Variants in CARS2 observed in about 807,000 individuals in gnomAD.
CARS2 encodes the protein cysteinyl-tRNA synthetase 2, mitochondrial, also known as probable cysteine--tRNA ligase, mitochondrial.
CARS2 carries 52 observed loss-of-function variants against 68.8 expected under a neutral mutation model. The ratio of observed to expected loss-of-function variants is 0.76; its 90% confidence interval spans 0.61 to 0.95. CARS2 has a LOEUF of 0.95. Among genes scored for constraint, CARS2 ranks in the 40% least tolerant of loss-of-function variants. CARS2 has a pLI of 0.00. For synonymous variants in CARS2, 314 were observed against 303.6 expected (o/e 1.03, Z -0.36); for missense variants, 780 against 754.2 (o/e 1.03, Z -0.40).
chr13:110,641,662 A>AG (rs2139663928), intron 14 of CARS2, 54 bp from the exon 15 acceptor site: 2 of 1,427,090 alleles, frequency 1.4e-6, no homozygotes, highest in African/African-American at 2.8e-5. Flanking sequence ...CATGTGGCAC[A>AG]GGGGGCTGAC....
chr13:110,652,176 C>A (rs1257350922), intron 9 of CARS2, among the ~76,000 whole-genome samples: 1 of 152,258 alleles, frequency 6.6e-6, no homozygotes, highest in African/African-American at 2.4e-5. Flanking sequence ...AACCCGATAC[C>A]CTCTTCTCTA....
Position 110,713,037 on chromosome 13 carries a change from G to C in CARS2, n.399+100C>G, listed in dbSNP as rs538970846. 97 of 1,479,088 alleles carry C rather than the reference G, an allele frequency of 6.6e-5. No homozygotes were observed. The South Asian group carries it at 7.2e-4, about 11-fold the overall frequency. 91.6% of individuals were successfully genotyped at this position (1,479,088 alleles called of 1,614,324 possible). ...AAGGACACCGAGAGGGTGCCAGTGC[G>C]CATGCGCCGCCACTTCCGCCCGTGC... On this transcript the variant is annotated intron_variant and non_coding_transcript_variant, in intron 1 of 2. Transcript: ENST00000485188.
chr13:110,664,049 A>C (rs1037199840), intron 8 of CARS2: 1 of 985,214 alleles, frequency 1.0e-6, no homozygotes, highest in Admixed American at 6.2e-5. Flanking sequence ...TTCATCCCCT[A>C]TGTATGTGAA....
intron 5 of CARS2, among the ~76,000 whole-genome samples, chr13:110,684,368 T>C (rs111977125): frequency 5.0e-4 from 76 of 152,082 alleles, no homozygotes; most frequent in African/African-American, 1.5e-3. Context: ...CAAGGAAACT[T>C]TGCAACTGGC....
At position 110,705,996 on chromosome 13, in the gene CARS2, G is replaced by C. The variant is rs1566366752; in HGVS notation, c.98C>G (p.Ala33Gly). The change falls in exon 1 of 15, where the codon GCG becomes GGG. Residue 33 changes from alanine (A) to glycine (G), a missense_variant. By Grantham distance (60) the Ala-to-Gly change is moderately conservative. Coordinates refer to ENST00000257347, the MANE Select transcript of CARS2 (RefSeq NM_024537.4). This position sits in a 1 kb window ranked among gnomAD's most constrained non-coding sequence, Gnocchi z 4.0. ...RAGWHWPAGR[A>G]ASGGRGRAWL... is the part of the protein sequence containing the mutation. ...GGCCCGCCCGCGCCCCCCGCTCGCCGCCCGGCCCGCAGGCCAGTGCCACCC... is the reference window on the plus strand; with the variant it reads ...GGCCCGCCCGCGCCCCCCGCTCGCCCCCCGGCCCGCAGGCCAGTGCCACCC... 2 of 1,498,516 alleles carry C rather than the reference G, an allele frequency of 1.3e-6. No individual in the cohort carries two copies. Among genetic ancestry groups the C allele is most frequent in the Non-Finnish European group, 1.8e-6 (2 of 1,128,658 alleles). The allele number at this position is 1,498,516 out of a possible 1,614,324, so 92.8% of individuals were successfully genotyped here. A position where few individuals can be genotyped will look rare whatever the true frequency, so the allele number is the denominator to read the frequency against.
At position 110,674,253 on chromosome 13, in the gene CARS2, T is replaced by C. The variant is rs1001819273; in HGVS notation, c.785+2721A>G. ...TTAAAGTTCAAAAAAGAGCCTGCAC[T>C]GCCAAGACAATCCTAAGCCAAAAGA... On this transcript the variant is annotated intron_variant, in intron 7 of 14. Transcript: ENST00000257347. Among the ~76,000 whole-genome samples, 4 of 152,012 alleles carry C rather than the reference T, an allele frequency of 2.6e-5. No homozygotes were observed. In the East Asian group the frequency reaches 7.7e-4, roughly 29 times the overall value.
At chr13:110,642,799 C>T (rs751131485) in intron 13 of CARS2, 2 of 689,804 alleles carry the variant, frequency 2.9e-6, no homozygotes, top group Admixed American at 2.0e-5. Context: ...CTGCATGCCG[C>T]CCCGCCCTGA....
chr13:110,656,500 A>T (rs1362544961), intron 9 of CARS2, among the ~76,000 whole-genome samples: 1 of 152,228 alleles, frequency 6.6e-6, no homozygotes, highest in Non-Finnish European at 1.5e-5. Context: ...TCACAGAAAC[A>T]GAAAGTAGAT....
intron 13 of CARS2, chr13:110,644,012 G>T (rs1196357032): frequency 3.3e-6 from 3 of 897,258 alleles, no homozygotes; most frequent in African/African-American, 1.7e-5. Flanking sequence ...CAGGCAAGGG[G>T]GCTCAGGTCG....
chr13:110,647,330 C>A, intron 10 of CARS2, 91 bp from the exon 11 acceptor site: 1 of 1,475,536 alleles, frequency 6.8e-7, no homozygotes, highest in Non-Finnish European at 9.2e-7. Context: ...GAGGGCACTG[C>A]CACCCAGGGA....
intron 7 of CARS2, among the ~76,000 whole-genome samples, chr13:110,669,410 C>T (rs4771705): frequency 0.55 from 83,238 of 151,942 alleles, 23,628 homozygotes; most frequent in Non-Finnish European, 0.64. Context: ...CCACAGGTTT[C>T]GAGGTGACTG....
chr13:110,710,592 T>TTCAACGTA (rs1858611321), upstream of CARS2, among the ~76,000 whole-genome samples: 1 of 152,252 alleles, frequency 6.6e-6, no homozygotes, highest in South Asian at 2.1e-4. Flanking sequence ...GACAAGATTC[T>TTCAACGTA]TCAACGTATC....
intron 5 of CARS2, among the ~76,000 whole-genome samples, chr13:110,684,426 TC>T (rs2063238664): frequency 6.6e-6 from 1 of 151,634 alleles, no homozygotes; most frequent in Non-Finnish European, 1.5e-5. Flanking sequence ...AGCCTGGATG[TC>T]CCCCTCCTGT....
In CARS2 at chr13:110,670,551, T is replaced by C. The variant is rs1200931412; in HGVS notation, c.786-3078A>G. Among the ~76,000 whole-genome samples the C allele has an allele frequency of 1.3e-5, 2 of 152,200 alleles. No homozygotes were observed. The highest frequency in any genetic ancestry group is 2.9e-5 in the Non-Finnish European group (2 of 68,042). On this transcript the variant is annotated intron_variant, in intron 7 of 14. Transcript: ENST00000257347. This position sits in a 1 kb window ranked among gnomAD's most constrained non-coding sequence, Gnocchi z 4.1. The stretch of plus-strand genomic sequence containing the variant: ...AGGACATCCACACCAAAACCCCATC[T>C]GTATGTCACCACCATCAAAGACCAA...
chr13:110,686,704 G>A (rs370387309), intron 5 of CARS2, among the ~76,000 whole-genome samples: 2 of 151,092 alleles, frequency 1.3e-5, no homozygotes, highest in African/African-American at 2.4e-5. Flanking sequence ...CCACAGGCGC[G>A]CGATACCAGG....
chr13:110,644,586 G>A lies in CARS2; in HGVS notation c.1318-103C>T. 5.9e-6 allele frequency: 9 copies of A among 1,533,644 alleles called. No homozygotes were observed. The South Asian group carries it at 1.1e-4, about 19-fold the overall frequency. On this transcript the variant is annotated intron_variant, in intron 12 of 14. Transcript: ENST00000257347. ...ACAAAGGCTTCAGCAGGTCACTTCA[G>A]TCTGGCCTTTCTCCTGGCTTCTATG...
chr13:110,681,935 A>G (rs1230691513), intron 6 of CARS2, among the ~76,000 whole-genome samples: 1 of 152,176 alleles, frequency 6.6e-6, no homozygotes, highest in Non-Finnish European at 1.5e-5. Context: ...GGATGAGCAG[A>G]CAGACCACAC....
At chr13:110,643,016 G>A (rs772455511) in intron 13 of CARS2, 36 of 344,978 alleles carry the variant, frequency 1.0e-4, no homozygotes, top group Middle Eastern at 2.1e-3. Flanking sequence ...ATCCTGGGGC[G>A]GTGTGGAAGG....
chr13:110,654,931 AAAAAGAAAAAGAAAAAAAAAG>A (rs1161654088), intron 9 of CARS2, among the ~76,000 whole-genome samples: 11 of 134,860 alleles, frequency 8.2e-5, no homozygotes, highest in Admixed American at 3.9e-4. Context: ...CAAAAAAAAA[AAAAAGAAAAAGAAAAAAAAAG>A]AAAAAGAAAA....
Sources: gnomAD v4.1 joint callset for allele counts (sites outside exome capture counted in the v4.1 genomes callset) on GRCh38, gnomAD v4.1.1 for gene constraint, Gnocchi (gnomAD v3.1) non-coding constraint, MANE v1.5 for transcripts, NCBI Gene and HGNC (gene_info 2026-07-23, HGNC 2026-07-21) for gene names.